Variants in PIK3R1 observed in about 807,000 individuals in gnomAD.
PIK3R1 encodes phosphatidylinositol 3-kinase regulatory subunit alpha.
A neutral mutation model predicts 98.0 loss-of-function variants in PIK3R1; 29 were observed. The observed-to-expected ratio is 0.30, with a 90% CI of 0.22 to 0.40. The LOEUF is 0.40. PIK3R1 is among the 10% of genes least tolerant of loss of function. PIK3R1 has a pLI of 1.00. For missense variants in PIK3R1, 596 were observed against 872.7 expected (o/e 0.68, Z 3.99); for synonymous variants, 282 against 311.8 (o/e 0.90, Z 1.01).
At chr5:68,220,996 G>A (rs577786843) in intron 1 of PIK3R1, among the ~76,000 whole-genome samples, 1 of 152,312 alleles carries the variant, frequency 6.6e-6, no homozygotes, top group African/African-American at 2.4e-5. Flanking sequence ...CTAATAGGAG[G>A]CTGTGCTCTC....
At chr5:68,281,817 T>C (rs1746856340) in intron 7 of PIK3R1, among the ~76,000 whole-genome samples, 1 of 152,192 alleles carries the variant, frequency 6.6e-6, no homozygotes, top group South Asian at 2.1e-4. Context: ...ATTACCATAT[T>C]TATCTCTGTA....
At position 68,255,696 on chromosome 5, in the gene PIK3R1, G is replaced by A. The variant is rs548125538; in HGVS notation, c.335-17694G>A. Among the ~76,000 whole-genome samples, 6 of 152,174 alleles carry A rather than the reference G, an allele frequency of 3.9e-5. No homozygotes were observed. In the East Asian group the frequency reaches 7.7e-4, roughly 20 times the overall value. ...ATCAGATGGCGAAAGTGAAACATAC[G>A]GCTATCAATGTGAAAAAGCTGCTCC... On this transcript the variant is annotated intron_variant, in intron 2 of 15. Transcript: ENST00000521381.
Position 68,297,666 on chromosome 5 carries a change from C to A in PIK3R1, c.*65C>A, listed in dbSNP as rs1561302308. Reference sequence around the variant, plus strand: ...CCTGAGGCCTCTGGAAAGCAAAGGGCTCCTCTCCAGTCTGATCTGTGAATT... The same window carrying A: ...CCTGAGGCCTCTGGAAAGCAAAGGGATCCTCTCCAGTCTGATCTGTGAATT... On this transcript the variant is annotated 3_prime_UTR_variant, in exon 16 of 16. Transcript: ENST00000521381. 7.5e-7 allele frequency: 1 copy of A among 1,337,710 alleles called. No homozygotes were observed. Among genetic ancestry groups the A allele is most frequent in the Non-Finnish European group, 1.1e-6 (1 of 946,382 alleles). The allele number at this position is 1,337,710 out of a possible 1,614,324, so 82.9% of individuals were successfully genotyped here.
intron 3 of PIK3R1, 112 bp downstream of exon 3, chr5:68,273,594 CA>C: frequency 1.1e-6 from 1 of 915,670 alleles, no homozygotes; most frequent in South Asian, 1.4e-5. Flanking sequence ...CAGCTATGTC[CA>C]GATACTCTGC....
intron 8 of PIK3R1, 162 bp from the exon 9 acceptor site, chr5:68,292,939 A>AATTTAAATCTATG (rs1747472472): frequency 1.5e-6 from 1 of 684,600 alleles, no homozygotes; most frequent in African/African-American, 1.8e-5. Context: ...GCAATTCATT[A>AATTTAAATCTATG]ATTTAAATCT....
chr5:68,220,437 C>G (rs1449833422), intron 1 of PIK3R1, among the ~76,000 whole-genome samples: 4 of 152,186 alleles, frequency 2.6e-5, no homozygotes, highest in Non-Finnish European at 5.9e-5. Context: ...GTCTGTCCCT[C>G]AGGTCCCAGA....
At chr5:68,262,599 GTATACA>G (rs1271252973) in intron 2 of PIK3R1, among the ~76,000 whole-genome samples, 3,182 of 133,176 alleles carry the variant, frequency 0.024, 189 homozygotes, top group African/African-American at 0.091. Flanking sequence ...GTATCTGCAT[GTATACA>G]CATGTATACA....
chr5:68,280,584 A>G lies in PIK3R1; in HGVS notation c.691A>G (p.Ser231Gly). 1 of 1,613,474 alleles carries G rather than the reference A, an allele frequency of 6.2e-7. No individual in the cohort carries two copies. Among genetic ancestry groups the G allele is most frequent in the Non-Finnish European group, 8.5e-7 (1 of 1,179,586 alleles). The change falls in exon 6 of 16, where the codon AGC becomes GGC. Residue 231 changes from serine (S) to glycine (G), a missense_variant. By Grantham distance (56) the Ser-to-Gly change is moderately conservative (BLOSUM62 0). Around this residue, in one of 3 missense-constraint regions of PIK3R1, gnomAD observed 352 missense variants for 393.3 expected, o/e 0.90. Coordinates refer to ENST00000521381, the MANE Select transcript of PIK3R1 (RefSeq NM_181523.3). ...QLLKKLIRSP[S>G]IPHQYWLTLQ... is the part of the protein sequence containing the mutation. Reference sequence around the variant, plus strand: ...ATTGAAGAAGCTTATTAGGTCGCCTAGCATACCTCATCAGTATTGGCTTAC... The same window carrying G: ...ATTGAAGAAGCTTATTAGGTCGCCTGGCATACCTCATCAGTATTGGCTTAC...
chr5:68,217,226 T>A (rs921659845), intron 1 of PIK3R1, among the ~76,000 whole-genome samples: 2 of 152,196 alleles, frequency 1.3e-5, no homozygotes, highest in African/African-American at 4.8e-5. Flanking sequence ...AGGAGGGATA[T>A]TCACAGAGCT....
At chr5:68,295,092 T>C (rs1747632153) in intron 12 of PIK3R1, 56 bp from the exon 13 acceptor site, 3 of 1,439,062 alleles carry the variant, frequency 2.1e-6, no homozygotes, top group Non-Finnish European at 2.8e-6. Flanking sequence ...TCATAAACTT[T>C]GGGGACCGTT....
rs770618874 is a variant in PIK3R1 at position 68,292,519 on chromosome 5, G to A, written c.1019+158G>A. On this transcript the variant is annotated intron_variant, in intron 8 of 15. Transcript: ENST00000521381. ...CCAGAAAAAGTCACTGAGCACTGGA[G>A]AACTGTGGGTGCTGGATGCCACAGG... 2.0e-6 allele frequency: 3 copies of A among 1,517,712 alleles called. No individual in the cohort carries two copies. In the South Asian group the frequency reaches 3.6e-5, roughly 18 times the overall value. 94.0% of individuals were successfully genotyped at this position (1,517,712 alleles called of 1,614,324 possible).
chr5:68,262,837 A>G (rs1413792952), intron 2 of PIK3R1, among the ~76,000 whole-genome samples: 11 of 79,432 alleles, frequency 1.4e-4, no homozygotes, highest in South Asian at 4.0e-4. Flanking sequence ...AGATACATGT[A>G]TACATGTAGA....
Position 68,299,540 on chromosome 5 carries a change from G to C in PIK3R1, c.*1939G>C, listed in dbSNP as rs957820802. ...AAAGCTGGTATGTTCAGTAGGAACTGTACATGTGTTGGGAGGCATAAAGAC... is the reference window on the plus strand; with the variant it reads ...AAAGCTGGTATGTTCAGTAGGAACTCTACATGTGTTGGGAGGCATAAAGAC... On this transcript the variant is annotated 3_prime_UTR_variant, in exon 16 of 16. Coordinates refer to ENST00000521381, the MANE Select transcript of PIK3R1 (RefSeq NM_181523.3). The C allele has an allele frequency of 2.1e-5, 5 of 233,128 alleles. No individual in the cohort carries two copies. The highest frequency in any genetic ancestry group is 4.2e-5 in the Non-Finnish European group (5 of 118,048). 14.4% of individuals were successfully genotyped at this position (233,128 alleles called of 1,614,324 possible).
Position 68,273,382 on chromosome 5 carries a change from GT to G in PIK3R1, c.335-5del. The G allele has an allele frequency of 1.5e-5, 25 of 1,613,320 alleles. No individual in the cohort carries two copies. The highest frequency in any genetic ancestry group is 2.1e-5 in the Non-Finnish European group (25 of 1,179,320). Reference sequence around the variant, plus strand: ...TTAAATACAATGGTGGGATTTTGTTGTTTGCAGCTTTGACTCTCCCGGATCT... The same window carrying G: ...TTAAATACAATGGTGGGATTTTGTTGTTGCAGCTTTGACTCTCCCGGATCT... On this transcript the variant is annotated splice_region_variant and splice_polypyrimidine_tract_variant and intron_variant, in intron 2 of 15. Coordinates refer to ENST00000521381, the MANE Select transcript of PIK3R1 (RefSeq NM_181523.3).
chr5:68,299,980 G>A lies in PIK3R1; in HGVS notation c.*2379G>A. On this transcript the variant is annotated 3_prime_UTR_variant, in exon 16 of 16. Coordinates refer to ENST00000521381, the MANE Select transcript of PIK3R1 (RefSeq NM_181523.3). ...CATACACAAGTCTAACAGTTAATTAGTTAACAGTTTTTAAACTAGGTTTGT... is the reference window on the plus strand; with the variant it reads ...CATACACAAGTCTAACAGTTAATTAATTAACAGTTTTTAAACTAGGTTTGT... 1 of 233,126 alleles carries A rather than the reference G, an allele frequency of 4.3e-6. No individual in the cohort carries two copies. The highest frequency in any genetic ancestry group is 1.8e-4 in the South Asian group (1 of 5,528). 14.4% of individuals were successfully genotyped at this position (233,126 alleles called of 1,614,324 possible).
chr5:68,251,112 G>A (rs924149534), intron 2 of PIK3R1, among the ~76,000 whole-genome samples: 4 of 152,070 alleles, frequency 2.6e-5, no homozygotes, highest in African/African-American at 9.7e-5. Context: ...TACTGCCACC[G>A]CTTTCTGATA....
rs78930523 is a variant in PIK3R1 at position 68,283,877 on chromosome 5, A to G, written c.916+2871A>G. ...GCAATGAGGCTGCTTTTAGTGTCCA[A>G]TCAAAAACTCCTCTGAAGTTTCCAG... On this transcript the variant is annotated intron_variant, in intron 7 of 15. Coordinates refer to ENST00000521381, the MANE Select transcript of PIK3R1 (RefSeq NM_181523.3). Among the ~76,000 whole-genome samples, 1,112 of 152,348 alleles carry G rather than the reference A, an allele frequency of 7.3e-3. 5 individuals carry two copies. The highest frequency in any genetic ancestry group is 0.01 in the Middle Eastern group (3 of 294).
intron 1 of PIK3R1, among the ~76,000 whole-genome samples, chr5:68,225,032 T>C (rs940677242): frequency 6.6e-6 from 1 of 152,272 alleles, no homozygotes; most frequent in African/African-American, 2.4e-5. Flanking sequence ...GGAATCTGCG[T>C]GATGATTCCA....
rs530529326 is a variant in PIK3R1 at position 68,288,555 on chromosome 5, C to T, written c.917-3704C>T. On this transcript the variant is annotated intron_variant, in intron 7 of 15. Coordinates refer to ENST00000521381, the MANE Select transcript of PIK3R1 (RefSeq NM_181523.3). ...AGCGGAGCTGGGCCACTGTGCACGC[C>T]CGGAGGGTCCTGGCGGCGCCCCCGC... 3.3e-6 allele frequency: 5 copies of T among 1,504,486 alleles called. No homozygotes were observed. The East Asian group carries it at 1.1e-4, about 34-fold the overall frequency. 93.2% of individuals were successfully genotyped at this position (1,504,486 alleles called of 1,614,324 possible). A position where few individuals can be genotyped will look rare whatever the true frequency, so the allele number is the denominator to read the frequency against.
Sources: gnomAD v4.1 joint callset for allele counts (sites outside exome capture counted in the v4.1 genomes callset) on GRCh38, gnomAD v4.1.1 for gene constraint, gnomAD v4.1.1 regional missense constraint, MANE v1.5 for transcripts, NCBI Gene and HGNC (gene_info 2026-07-23, HGNC 2026-07-21) for gene names.